The following SLC9A9 variants were observed in gnomAD, a reference collection of about 807,000 sequenced individuals.
SLC9A9 encodes the protein solute carrier family 9 member A9, also known as sodium/hydrogen exchanger 9.
Under a neutral mutation model 77.8 loss-of-function variants are expected in SLC9A9, and 62 were observed. The observed-to-expected ratio is 0.80, with a 90% CI of 0.65 to 0.98. The LOEUF (loss-of-function observed/expected upper bound fraction) is 0.98. Among genes scored for constraint, SLC9A9 ranks in the 50% least tolerant of loss-of-function variants. The pLI is 0.00. For synonymous variants in SLC9A9, 320 were observed against 283.5 expected (o/e 1.13, Z -1.29); for missense variants, 775 against 774.9 (o/e 1.00, Z 0.00).
rs767059595 is a variant in SLC9A9 at position 143,493,757 on chromosome 3, A to G, written c.1211T>C (p.Ile404Thr). Reference protein sequence around the residue: ...ALFILGAFLAIFVARACNIYP... With the variant: ...ALFILGAFLATFVARACNIYP... ...TATGTTGCAGGCTCTGGCAACAAAA[A>G]TTGCTAGCTGTAGATAAGCACAGGG... Residue 404 changes from isoleucine to threonine, a missense_variant, in exon 11 of 16, where the codon ATT becomes ACT. Transcript: ENST00000316549. 2 of 1,612,532 alleles carry G rather than the reference A, an allele frequency of 1.2e-6. No homozygotes were observed. Among genetic ancestry groups the G allele is most frequent in the South Asian group, 2.2e-5 (2 of 91,052 alleles).
chr3:143,324,189 T>A (rs1358550046), intron 14 of SLC9A9, among the ~76,000 whole-genome samples: 1 of 151,978 alleles, frequency 6.6e-6, no homozygotes, highest in East Asian at 1.9e-4. Flanking sequence ...GCACCAGCCT[T>A]CCTTGAACAA....
At chr3:143,563,904 T>C (rs372804941) in intron 8 of SLC9A9, among the ~76,000 whole-genome samples, 3 of 152,248 alleles carry the variant, frequency 2.0e-5, no homozygotes, top group Admixed American at 1.3e-4. Flanking sequence ...ACAGCTTCAC[T>C]TGACTTCCTG....
At chr3:143,589,556 TTATACCA>T (rs2037613670) in intron 6 of SLC9A9, among the ~76,000 whole-genome samples, 1 of 152,134 alleles carries the variant, frequency 6.6e-6, no homozygotes, top group Admixed American at 6.5e-5. Context: ...AAGATATAGG[TTATACCA>T]TATAACCTAG....
chr3:143,754,470 G>A (rs1234631500), intron 4 of SLC9A9, among the ~76,000 whole-genome samples: 2 of 152,178 alleles, frequency 1.3e-5, no homozygotes, highest in Non-Finnish European at 2.9e-5. Context: ...GTATGTGAAA[G>A]GTTTCAGAGA....
chr3:143,461,251 G>A lies in SLC9A9; in HGVS notation c.1469+5786C>T, dbSNP rs571081267. The stretch of plus-strand genomic sequence containing the variant: ...CTTTTTGTGAGCATTTTTCTTTAAG[G>A]CGTTTATCATTTTAAATGCAGAAAT... On this transcript the variant is annotated intron_variant, in intron 12 of 15. Coordinates refer to ENST00000316549, the MANE Select transcript of SLC9A9 (RefSeq NM_173653.4). Among the ~76,000 whole-genome samples the A allele has an allele frequency of 2.9e-4, 44 of 152,178 alleles. No individual in the cohort carries two copies. In the South Asian group the frequency reaches 9.1e-3, roughly 32 times the overall value.
At chr3:143,763,168 C>T (rs1437792955) in intron 4 of SLC9A9, among the ~76,000 whole-genome samples, 4 of 152,138 alleles carry the variant, frequency 2.6e-5, no homozygotes, top group Non-Finnish European at 5.9e-5. Flanking sequence ...GTGTGCAGCA[C>T]TGGAAATGCA....
Position 143,707,416 on chromosome 3 carries a change from C to T in SLC9A9, c.534-14109G>A, listed in dbSNP as rs542059959. 2.0e-5 allele frequency among the ~76,000 whole-genome samples: 3 copies of T among 151,520 alleles called. No homozygotes were observed. In the South Asian group the frequency reaches 6.3e-4, roughly 32 times the overall value. On this transcript the variant is annotated intron_variant, in intron 4 of 15. Coordinates refer to ENST00000316549, the MANE Select transcript of SLC9A9 (RefSeq NM_173653.4). ...CACACACACACCCCAGCTGGGAAGC[C>T]ATCATGATTCCTATTTTATAAACAA...
At chr3:143,459,262 T>G (rs994965488) in intron 12 of SLC9A9, among the ~76,000 whole-genome samples, 3 of 152,152 alleles carry the variant, frequency 2.0e-5, no homozygotes, top group Non-Finnish European at 4.4e-5. Context: ...TATTAAGATT[T>G]TTCCTGGATC....
At chr3:143,348,089 C>T (rs1340412728) in intron 14 of SLC9A9, among the ~76,000 whole-genome samples, 1 of 151,592 alleles carries the variant, frequency 6.6e-6, no homozygotes, top group African/African-American at 2.4e-5. Flanking sequence ...TCTCCGCTCA[C>T]TGCAACCTCC....
At position 143,363,479 on chromosome 3, in the gene SLC9A9, G is replaced by C. The variant is rs2108484142; in HGVS notation, c.1604+5C>G. 6.2e-7 allele frequency: 1 copy of C among 1,611,738 alleles called. No individual in the cohort carries two copies. The highest frequency in any genetic ancestry group is 1.7e-4 in the Middle Eastern group (1 of 6,050). On this transcript the variant is annotated splice_donor_5th_base_variant and intron_variant, in intron 14 of 15. Transcript: ENST00000316549. Reference sequence around the variant, plus strand: ...ATCTGTGAGATCGTTATTATCAAAGGATACTTGTGGTCAAAGCTATACCAC... The same window carrying C: ...ATCTGTGAGATCGTTATTATCAAAGCATACTTGTGGTCAAAGCTATACCAC...
chr3:143,550,629 C>G (rs1487735781), intron 9 of SLC9A9, among the ~76,000 whole-genome samples: 2 of 152,090 alleles, frequency 1.3e-5, no homozygotes, highest in Non-Finnish European at 2.9e-5. Flanking sequence ...AATAGAGCCC[C>G]CCAAAAATCA....
Position 143,729,666 on chromosome 3 carries a change from T to C in SLC9A9, c.534-36359A>G, listed in dbSNP as rs558851873. Among the ~76,000 whole-genome samples the C allele has an allele frequency of 8.5e-5, 13 of 152,266 alleles. No individual in the cohort carries two copies. In the South Asian group the frequency reaches 2.7e-3, roughly 32 times the overall value. On this transcript the variant is annotated intron_variant, in intron 4 of 15. Transcript: ENST00000316549. The stretch of plus-strand genomic sequence containing the variant: ...TCCCAGGAGCCCTCTCTGTCCTTCA[T>C]CACCCCAGGCTGCTGTACACTCACT...
At position 143,497,892 on chromosome 3, in the gene SLC9A9, C is replaced by T. The variant is rs143969213; in HGVS notation, c.1090-2444G>A. Among the ~76,000 whole-genome samples, 432 of 152,284 alleles carry T rather than the reference C, an allele frequency of 2.8e-3. 4 individuals are homozygous for T. Among genetic ancestry groups the T allele is most frequent in the Admixed American group, 0.021 (324 of 15,296 alleles). On this transcript the variant is annotated intron_variant, in intron 9 of 15. Transcript: ENST00000316549. ...TTACCTTTGTCCCCCTCACCTCCAC[C>T]ATCCAATTTTAATCTATTCATCATC...
At chr3:143,445,744 C>T (rs2108548483) in intron 12 of SLC9A9, among the ~76,000 whole-genome samples, 1 of 152,146 alleles carries the variant, frequency 6.6e-6, no homozygotes, top group East Asian at 1.9e-4. Flanking sequence ...TATACACTAG[C>T]CAATAGGTGG....
intron 4 of SLC9A9, among the ~76,000 whole-genome samples, chr3:143,724,921 T>C (rs954315210): frequency 1.3e-5 from 2 of 152,050 alleles, no homozygotes; most frequent in South Asian, 2.1e-4. Context: ...AAAATCCTCA[T>C]GATACAGCCA....
chr3:143,303,219 CAAA>C (rs2030613186), intron 14 of SLC9A9, among the ~76,000 whole-genome samples: 1 of 152,140 alleles, frequency 6.6e-6, no homozygotes, highest in Non-Finnish European at 1.5e-5. Context: ...GTCTGAGACT[CAAA>C]GAAGTAGCTG....
chr3:143,597,623 C>A (rs2108684149), intron 6 of SLC9A9, among the ~76,000 whole-genome samples: 1 of 152,318 alleles, frequency 6.6e-6, no homozygotes, highest in East Asian at 1.9e-4. Context: ...CCCGAGGGTT[C>A]TTTCTGCTCA....
intron 6 of SLC9A9, among the ~76,000 whole-genome samples, chr3:143,639,810 C>A (rs1472533270): frequency 6.6e-6 from 1 of 152,134 alleles, no homozygotes; most frequent in Non-Finnish European, 1.5e-5. Flanking sequence ...CTTTCATATG[C>A]AGGCCTGCCT....
chr3:143,457,665 T>C (rs1404472411), intron 12 of SLC9A9, among the ~76,000 whole-genome samples: 1 of 152,210 alleles, frequency 6.6e-6, no homozygotes, highest in African/African-American at 2.4e-5. Context: ...TTTCATTTAC[T>C]TCAAAATATT....
Sources: allele counts gnomAD v4.1 joint callset (sites outside exome capture counted in the v4.1 genomes callset), GRCh38; gene constraint gnomAD v4.1.1; transcripts MANE v1.5; gene names NCBI Gene and HGNC (gene_info 2026-07-23, HGNC 2026-07-21).